ZNRF3: variants seen among roughly 807,000 people sequenced by gnomAD.
ZNRF3 encodes zinc and ring finger 3.
In ZNRF3, 23 loss-of-function variants were observed where a neutral mutation model predicts 72.5. The observed-to-expected ratio is 0.32, with a 90% CI of 0.23 to 0.45. ZNRF3 has a LOEUF of 0.45. Ranked by LOEUF, ZNRF3 falls within the 20% of genes least tolerant of loss-of-function variation. ZNRF3 has a pLI of 1.00. For missense variants in ZNRF3, 1,169 were observed against 1,272.1 expected (o/e 0.92, Z 1.23); for synonymous variants, 610 against 545.3 (o/e 1.12, Z -1.65).
chr22:29,053,628 G>A lies in ZNRF3; in HGVS notation c.*6G>A, dbSNP rs1184682208. 3 of 1,612,902 alleles carry A rather than the reference G, an allele frequency of 1.9e-6. No individual in the cohort carries two copies. Among genetic ancestry groups the A allele is most frequent in the East Asian group, 2.2e-5 (1 of 44,814 alleles). ...GCAGCAGCCCGGGAGCCTGAGCTCA[G>A]GAGGAACTCTTACCTGGAAATTGGG... On this transcript the variant is annotated 3_prime_UTR_variant, in exon 9 of 9. Transcript: ENST00000544604.
chr22:28,995,777 C>CT (rs534731089), intron 2 of ZNRF3, among the ~76,000 whole-genome samples: 485 of 141,700 alleles, frequency 3.4e-3, no homozygotes, highest in Middle Eastern at 0.011. Flanking sequence ...TCAAAACTGC[C>CT]TTTTTTTTTT....
chr22:29,048,757 C>T lies in ZNRF3; in HGVS notation c.1015+266C>T, dbSNP rs1019546027. Among the ~76,000 whole-genome samples, 4 of 152,196 alleles carry T rather than the reference C, an allele frequency of 2.6e-5. No individual in the cohort carries two copies. Among genetic ancestry groups the T allele is most frequent in the Non-Finnish European group, 5.9e-5 (4 of 68,040 alleles). On this transcript the variant is annotated intron_variant, in intron 7 of 8. Transcript: ENST00000544604. This position sits in a 1 kb window ranked among gnomAD's most constrained non-coding sequence, Gnocchi z 4.9. ...CTGGCCTCTCCTAGGCCTGAGGCCC[C>T]TAATCTCTTTAGTGGCAATGACAGT...
chr22:28,997,977 C>T (rs915923027), intron 2 of ZNRF3, among the ~76,000 whole-genome samples: 4 of 143,248 alleles, frequency 2.8e-5, no homozygotes, highest in Non-Finnish European at 6.0e-5. Flanking sequence ...GAGAGTGAGA[C>T]CCTGGCTCTT....
At chr22:29,029,568 A>G (rs2036706806) in intron 2 of ZNRF3, among the ~76,000 whole-genome samples, 1 of 152,222 alleles carries the variant, frequency 6.6e-6, no homozygotes, top group Non-Finnish European at 1.5e-5. Flanking sequence ...TTTAGGTTAG[A>G]TCAGTGGTTC....
At position 29,030,119 on chromosome 22, in the gene ZNRF3, C is replaced by T. The variant is rs2036717079; in HGVS notation, c.427-12376C>T. 6.6e-6 allele frequency among the ~76,000 whole-genome samples: 1 copy of T among 152,184 alleles called. No individual in the cohort carries two copies. The highest frequency in any genetic ancestry group is 6.5e-5 in the Admixed American group (1 of 15,284). On this transcript the variant is annotated intron_variant, in intron 2 of 8. Transcript: ENST00000544604. This position sits in a 1 kb window ranked among gnomAD's most constrained non-coding sequence, Gnocchi z 4.2. ...CATAACATCTTTCACCCCACAGTATCGATGGAGCAGGAGGGTGTGGACAGG... is the reference window on the plus strand; with the variant it reads ...CATAACATCTTTCACCCCACAGTATTGATGGAGCAGGAGGGTGTGGACAGG...
At chr22:28,955,667 CAT>C (rs2035245780) in intron 1 of ZNRF3, among the ~76,000 whole-genome samples, 1 of 151,844 alleles carries the variant, frequency 6.6e-6, no homozygotes, top group Admixed American at 6.6e-5. Flanking sequence ...GTTGGAAAAC[CAT>C]ATGTTTTGGG....
rs1601618381 is a variant in ZNRF3 at position 28,974,178 on chromosome 22, G to A, written c.301-12898G>A. ...GAGTTTCACCGAGTTAGCCAGGATG[G>A]TCTCGATCTCCTGACCTCGTGATCC... On this transcript the variant is annotated intron_variant, in intron 1 of 8. Transcript: ENST00000544604. 2.0e-5 allele frequency among the ~76,000 whole-genome samples: 3 copies of A among 152,088 alleles called. No individual in the cohort carries two copies. The East Asian group carries it at 5.8e-4, about 29-fold the overall frequency.
At chr22:28,958,723 C>G (rs943029353) in intron 1 of ZNRF3, among the ~76,000 whole-genome samples, 8 of 152,154 alleles carry the variant, frequency 5.3e-5, no homozygotes, top group African/African-American at 1.7e-4. Context: ...TCATTTGGTT[C>G]TCCTCCCCTC....
intron 1 of ZNRF3, among the ~76,000 whole-genome samples, chr22:28,975,991 A>T (rs1437158197): frequency 6.6e-6 from 1 of 152,150 alleles, no homozygotes; most frequent in Non-Finnish European, 1.5e-5. Context: ...ACTATAAATT[A>T]GTTGCATATA....
intron 1 of ZNRF3, among the ~76,000 whole-genome samples, chr22:28,916,342 G>A (rs2034407478): frequency 6.6e-6 from 1 of 152,158 alleles, no homozygotes; most frequent in African/African-American, 2.4e-5. Context: ...TTATAGGCAT[G>A]AGCCACCATG....
At chr22:28,969,385 T>C (rs1230266343) in intron 1 of ZNRF3, among the ~76,000 whole-genome samples, 1 of 152,226 alleles carries the variant, frequency 6.6e-6, no homozygotes, top group Non-Finnish European at 1.5e-5. Flanking sequence ...ATTTGATGTT[T>C]GGAATGGAGG....
chr22:28,941,772 G>A lies in ZNRF3; in HGVS notation c.301-45304G>A, dbSNP rs556807590. 5.3e-5 allele frequency among the ~76,000 whole-genome samples: 8 copies of A among 152,192 alleles called. No individual in the cohort carries two copies. In the South Asian group the frequency reaches 6.2e-4, roughly 12 times the overall value. On this transcript the variant is annotated intron_variant, in intron 1 of 8. Coordinates refer to ENST00000544604, the MANE Select transcript of ZNRF3 (RefSeq NM_001206998.2). ...CTAAAAATACAAAAATTAGCTGGGC[G>A]TGGTGGCGCATGCCTGTAATCCCAG... is the stretch of plus-strand genomic sequence containing the variant.
At chr22:28,903,112 C>T (rs62235757) in intron 1 of ZNRF3, among the ~76,000 whole-genome samples, 2,883 of 152,278 alleles carry the variant, frequency 0.019, 31 homozygotes, top group Non-Finnish European at 0.029. Context: ...CTCATTTCTC[C>T]GATTCCCAGT....
At chr22:29,051,375 G>A (rs1316704337) in intron 8 of ZNRF3, among the ~76,000 whole-genome samples, 1 of 152,116 alleles carries the variant, frequency 6.6e-6, no homozygotes, top group Non-Finnish European at 1.5e-5. Context: ...GCAAAACCAT[G>A]GAGTCGGTTC....
intron 1 of ZNRF3, chr22:28,986,773 A>G: frequency 1.7e-6 from 1 of 576,558 alleles, no homozygotes; most frequent in Non-Finnish European, 2.2e-6. Flanking sequence ...TGGCATTTAT[A>G]TGGGAATTGT....
chr22:28,936,043 C>T (rs961952116), intron 1 of ZNRF3, among the ~76,000 whole-genome samples: 1 of 152,146 alleles, frequency 6.6e-6, no homozygotes, highest in Non-Finnish European at 1.5e-5. Flanking sequence ...GGAAGCTAAG[C>T]TCTCCATGTT....
At chr22:29,046,139 G>T (rs1281531069) in intron 5 of ZNRF3, among the ~76,000 whole-genome samples, 1 of 152,194 alleles carries the variant, frequency 6.6e-6, no homozygotes, top group Non-Finnish European at 1.5e-5. Flanking sequence ...CGGGTAGGGG[G>T]TGGTGAGAGG....
At chr22:28,940,494 TGC>T (rs2034921221) in intron 1 of ZNRF3, among the ~76,000 whole-genome samples, 1 of 122,626 alleles carries the variant, frequency 8.2e-6, no homozygotes, top group African/African-American at 2.7e-5. Context: ...ACTAGGTTTC[TGC>T]TTTTTTTTTT....
At chr22:28,927,778 G>C (rs886303714) in intron 1 of ZNRF3, among the ~76,000 whole-genome samples, 13 of 152,136 alleles carry the variant, frequency 8.5e-5, no homozygotes, top group African/African-American at 3.1e-4. Flanking sequence ...CCCTCCTTAC[G>C]GGAGCTCAGA....
Sources: allele counts gnomAD v4.1 joint callset (sites outside exome capture counted in the v4.1 genomes callset), GRCh38; gene constraint gnomAD v4.1.1; non-coding constraint Gnocchi (gnomAD v3.1); transcripts MANE v1.5; gene names NCBI Gene and HGNC (gene_info 2026-07-23, HGNC 2026-07-21).